Variants in PRDM10 observed in about 807,000 individuals in gnomAD.
PRDM10 encodes the protein PR domain zinc finger protein 10.
PRDM10 carries 65 observed loss-of-function variants against 133.1 expected under a neutral mutation model. The observed-to-expected ratio is 0.49, with a 90% CI of 0.40 to 0.60. PRDM10 has a LOEUF of 0.60. Among genes scored for constraint, PRDM10 ranks in the 20% least tolerant of loss-of-function variants. PRDM10 has a pLI of 0.00. For synonymous variants in PRDM10, 582 were observed against 580.4 expected, an observed-to-expected ratio of 1.00 and a Z score of -0.04; for missense variants, 1,137 against 1,507.1, an observed-to-expected ratio of 0.75 and a Z score of 4.07.
chr11:129,964,683 C>T (rs1005522565), intron 1 of PRDM10, among the ~76,000 whole-genome samples: 6 of 152,090 alleles, frequency 3.9e-5, no homozygotes, highest in African/African-American at 7.2e-5. Flanking sequence ...CATTCATAAA[C>T]GCTTAGGTTA....
At chr11:129,995,888 G>A (rs1468714210) in intron 1 of PRDM10, among the ~76,000 whole-genome samples, 4 of 152,060 alleles carry the variant, frequency 2.6e-5, no homozygotes, top group East Asian at 3.9e-4. Flanking sequence ...GGAGGTTGCC[G>A]TGAGCTGAGA....
intron 11 of PRDM10, among the ~76,000 whole-genome samples, chr11:129,925,678 C>T (rs1297586553): frequency 6.6e-6 from 1 of 151,566 alleles, no homozygotes; most frequent in Non-Finnish European, 1.5e-5. Flanking sequence ...GAATTTGAAG[C>T]TTGATTAAAA....
At chr11:129,924,795 G>A in intron 12 of PRDM10, 87 bp downstream of exon 12, 1 of 1,160,236 alleles carries the variant, frequency 8.6e-7, no homozygotes, top group East Asian at 2.4e-5. Flanking sequence ...GGAAATGCAG[G>A]TGCTAGGCAG....
intron 17 of PRDM10, among the ~76,000 whole-genome samples, chr11:129,913,149 C>T (rs1248255287): frequency 1.5e-5 from 2 of 134,908 alleles, no homozygotes; most frequent in South Asian, 2.6e-4. Context: ...GCCTGGGAGG[C>T]GGAGGTTGCA....
intron 1 of PRDM10, among the ~76,000 whole-genome samples, chr11:129,961,604 C>T (rs1951797498): frequency 6.6e-6 from 1 of 151,720 alleles, no homozygotes; most frequent in Non-Finnish European, 1.5e-5. Context: ...CCACACCCGG[C>T]CAATCCCAGC....
Position 129,901,090 on chromosome 11 carries a change from T to C in PRDM10, c.*1223A>G, listed in dbSNP as rs1015624557. 12 of 152,586 alleles carry C rather than the reference T, an allele frequency of 7.9e-5. No homozygotes were observed. The East Asian group carries it at 9.6e-4, about 12-fold the overall frequency. 9.5% of individuals were successfully genotyped at this position (152,586 alleles called of 1,614,324 possible). ...CACAAAAAGTTAAAATATATACTGA[T>C]TTTTTAATGCCCAACTAATAGTATA... On this transcript the variant is annotated 3_prime_UTR_variant, in exon 21 of 21. Coordinates refer to ENST00000360871, the MANE Select transcript of PRDM10 (RefSeq NM_199437.2).
At chr11:129,911,589 T>G (rs1950187958) in intron 18 of PRDM10, among the ~76,000 whole-genome samples, 1 of 152,244 alleles carries the variant, frequency 6.6e-6, no homozygotes, top group Non-Finnish European at 1.5e-5. Flanking sequence ...CAGATCAGAC[T>G]GCCTTCCCCA....
chr11:129,977,277 C>CAG (rs1565506679), intron 1 of PRDM10, among the ~76,000 whole-genome samples: 2 of 151,298 alleles, frequency 1.3e-5, no homozygotes, highest in African/African-American at 4.9e-5. Context: ...CACACACACA[C>CAG]ACACACACAC....
At chr11:129,934,211 G>A (rs752058339) in intron 9 of PRDM10, among the ~76,000 whole-genome samples, 2 of 152,252 alleles carry the variant, frequency 1.3e-5, no homozygotes, top group Non-Finnish European at 2.9e-5. Flanking sequence ...GCTGAATGAA[G>A]CTGGAGAAAA....
chr11:130,000,604 G>T (rs979059548), intron 1 of PRDM10, among the ~76,000 whole-genome samples: 3 of 152,142 alleles, frequency 2.0e-5, no homozygotes, highest in Non-Finnish European at 2.9e-5. Flanking sequence ...CAAAATATTA[G>T]AAAAACTAAA....
At chr11:129,969,617 A>ATACTAGAAAT (rs1951975117) in intron 1 of PRDM10, among the ~76,000 whole-genome samples, 1 of 151,020 alleles carries the variant, frequency 6.6e-6, no homozygotes, top group Non-Finnish European at 1.5e-5. Flanking sequence ...AACATAGTGA[A>ATACTAGAAAT]ACCCCATCTC....
At chr11:129,948,781 C>T (rs1478193057) in intron 4 of PRDM10, among the ~76,000 whole-genome samples, 3 of 152,308 alleles carry the variant, frequency 2.0e-5, no homozygotes, top group African/African-American at 7.2e-5. Context: ...TTGTTGTCTT[C>T]ATTTATTTCG....
intron 1 of PRDM10, among the ~76,000 whole-genome samples, chr11:130,001,952 G>A (rs922039866): frequency 1.3e-5 from 2 of 151,272 alleles, no homozygotes; most frequent in African/African-American, 2.4e-5. Context: ...ACACCCCTGC[G>A]GGCCGGCCCC....
chr11:129,902,624 G>A, intron 20 of PRDM10, 108 bp from the exon 21 acceptor site: 1 of 1,462,504 alleles, frequency 6.8e-7, no homozygotes, highest in Admixed American at 2.4e-5. Context: ...ACCCAAAATA[G>A]GCATCTATGA....
At position 129,955,526 on chromosome 11, in the gene PRDM10, C is replaced by A; in HGVS notation, c.280G>T (p.Ala94Ser). Reference protein sequence around the residue: ...PGQVAYVQQDATAQQASLPVH... With the variant: ...PGQVAYVQQDSTAQQASLPVH... ...CAGTTCGTTACCTGCTGAGCTGTAG[C>A]ATCCTGTTGGACATAAGCTACCTGG... The change falls in exon 4 of 21, where the codon GCT (alanine) becomes TCT (serine). Residue 94 changes from alanine to serine, a missense_variant. By Grantham distance (99) the Ala-to-Ser change is moderately conservative. Around this residue, in one of 6 missense-constraint regions of PRDM10, gnomAD observed 635 missense variants for 835.2 expected, o/e 0.76. Transcript: ENST00000360871. 3 of 1,614,074 alleles carry A rather than the reference C, an allele frequency of 1.9e-6. No homozygotes were observed. In the East Asian group the frequency reaches 6.7e-5, roughly 36 times the overall value.
Position 129,902,345 on chromosome 11 carries a change from C to T in PRDM10, c.3439G>A (p.Gly1147Arg), listed in dbSNP as rs181420995. 2.2e-5 allele frequency: 36 copies of T among 1,614,104 alleles called. No individual in the cohort carries two copies. In the East Asian group the frequency reaches 3.6e-4, roughly 16 times the overall value. ...TTGGTGATATGCACTTCGCTGCTTC[C>T]GTTCCCGTTGGTGGTGGTGGTGATG... ...YIITTTTNGN[G>R]SSEVHITKP The change falls in exon 21 of 21, where the codon GGA becomes AGA. Residue 1147 changes from glycine (G) to arginine (R), a missense_variant. By Grantham distance (125) the Gly-to-Arg change is moderately radical. This residue lies in a region of PRDM10 where 243 missense variants were observed against 259.2 expected (regional missense o/e 0.94). Coordinates refer to ENST00000360871, the MANE Select transcript of PRDM10 (RefSeq NM_199437.2).
At chr11:129,917,047 G>A (rs1950379811) in intron 15 of PRDM10, 80 bp downstream of exon 15, 2 of 968,400 alleles carry the variant, frequency 2.1e-6, no homozygotes. Flanking sequence ...AAAAATCGTA[G>A]TATATATTTA....
At chr11:129,956,154 A>T (rs545765468) in intron 3 of PRDM10, among the ~76,000 whole-genome samples, 2 of 152,340 alleles carry the variant, frequency 1.3e-5, no homozygotes, top group East Asian at 1.9e-4. Context: ...ATCATAAACT[A>T]AGTTGGCTCA....
At position 129,947,294 on chromosome 11, in the gene PRDM10, T is replaced by G; in HGVS notation, c.371A>C (p.Gln124Pro). The G allele has an allele frequency of 6.2e-7, 1 of 1,614,160 alleles. No homozygotes were observed. Among genetic ancestry groups the G allele is most frequent in the Non-Finnish European group, 8.5e-7 (1 of 1,180,032 alleles). Residue 124 changes from glutamine (Q) to proline (P), a missense_variant, in exon 5 of 21, where the codon CAG becomes CCG. This residue lies in a region of PRDM10 where 635 missense variants were observed against 835.2 expected (regional missense o/e 0.76). Coordinates refer to ENST00000360871, the MANE Select transcript of PRDM10 (RefSeq NM_199437.2). The surrounding 1 kb of genome is among the most constrained non-coding windows in gnomAD (Gnocchi z 4.6). ...GGCCTCCAGTCTGCCTAGAGGGGTC[T>G]GCAGAGTTGCCAAAGGGTCGGACCC... ...VDGSDPLATL[Q>P]TPLGRLEAKE...
Sources: allele counts gnomAD v4.1 joint callset (sites outside exome capture counted in the v4.1 genomes callset), GRCh38; gene constraint gnomAD v4.1.1; regional missense constraint gnomAD v4.1.1; non-coding constraint Gnocchi (gnomAD v3.1); transcripts MANE v1.5; gene names NCBI Gene and HGNC (gene_info 2026-07-23, HGNC 2026-07-21).